Variants in CDH18 observed in about 807,000 individuals in gnomAD.
CDH18 encodes cadherin 18.
Under a neutral mutation model 67.9 loss-of-function variants are expected in CDH18, and 31 were observed. That is an observed-to-expected ratio of 0.46 (90% CI 0.34 to 0.62). CDH18 has a LOEUF of 0.62. CDH18 is among the 20% of genes least tolerant of loss of function. The probability of loss-of-function intolerance (pLI) is 0.01; values close to 1 mark genes in which losing one functional copy is unlikely to be tolerated. For synonymous variants in CDH18, 362 were observed against 347.2 expected (o/e 1.04, Z -0.48); for missense variants, 890 against 975.5 (o/e 0.91, Z 1.17).
In CDH18 at chr5:20,121,615, G is replaced by C. The variant is rs992829720; in HGVS notation, c.-517-129601C>G. On this transcript the variant is annotated intron_variant, in intron 2 of 14. Coordinates refer to the CDH18 transcript ENST00000507958. The stretch of plus-strand genomic sequence containing the variant: ...CCGTTAGCTTGCAATCAGCAGCATA[G>C]AAGAAAATACTTTAAAAAACATGAA... 3.9e-5 allele frequency among the ~76,000 whole-genome samples: 6 copies of C among 152,228 alleles called. No homozygotes were observed. In the South Asian group the frequency reaches 1.2e-3, roughly 32 times the overall value.
chr5:20,461,374 A>T (rs531525654), intron 1 of CDH18, among the ~76,000 whole-genome samples: 16 of 152,220 alleles, frequency 1.1e-4, no homozygotes, highest in African/African-American at 3.9e-4. Context: ...ATCTTCTTCA[A>T]CTACAACTAT....
At chr5:19,770,794 A>G (rs1230471092) in intron 3 of CDH18, among the ~76,000 whole-genome samples, 1 of 152,190 alleles carries the variant, frequency 6.6e-6, no homozygotes, top group Non-Finnish European at 1.5e-5. Context: ...GCTGTTTTTG[A>G]AAAGGAATAG....
At chr5:19,867,256 A>C (rs1785654969) in intron 2 of CDH18, among the ~76,000 whole-genome samples, 1 of 152,218 alleles carries the variant, frequency 6.6e-6, no homozygotes, top group Non-Finnish European at 1.5e-5. Context: ...CAATTAAAAA[A>C]GCATTATGTG....
intron 2 of CDH18, among the ~76,000 whole-genome samples, chr5:20,091,648 ATATCTAATTCACTTGAATTT>A (rs1444663123): frequency 6.6e-6 from 1 of 152,112 alleles, no homozygotes; most frequent in Non-Finnish European, 1.5e-5. Flanking sequence ...TTAGTTTATA[ATATCTAATTCACTTGAATTT>A]TGCATTATTA....
At chr5:19,675,630 G>T (rs1402281161) in intron 5 of CDH18, among the ~76,000 whole-genome samples, 1 of 151,998 alleles carries the variant, frequency 6.6e-6, no homozygotes, top group Non-Finnish European at 1.5e-5. Flanking sequence ...CTCTTATCCT[G>T]TTCTTTTTTC....
rs142298944 is a variant in CDH18, at chr5:19,937,599, C to T, written c.-257+43461G>A. On this transcript the variant is annotated intron_variant, in intron 2 of 12. Transcript: ENST00000382275. ...GCACACATATAGACTGACCTGCATA[C>T]ACAGAAACACACAATGTACAATTTC... Among the ~76,000 whole-genome samples the T allele has an allele frequency of 4.0e-4, 61 of 151,398 alleles. 1 individual carries two copies. The East Asian group carries it at 0.011, about 28-fold the overall frequency.
At chr5:19,763,882 C>T (rs1044952822) in intron 3 of CDH18, among the ~76,000 whole-genome samples, 4 of 151,162 alleles carry the variant, frequency 2.6e-5, no homozygotes, top group African/African-American at 9.7e-5. Context: ...GGCACAGTGG[C>T]TCACACCTGT....
chr5:19,618,763 T>C (rs1266514872), intron 5 of CDH18, among the ~76,000 whole-genome samples: 1 of 152,154 alleles, frequency 6.6e-6, no homozygotes, highest in Admixed American at 6.5e-5. Context: ...AATGTACAAA[T>C]TTGAAATATC....
chr5:19,843,493 CAGA>C (rs200128350), intron 2 of CDH18, among the ~76,000 whole-genome samples: 1 of 114,554 alleles, frequency 8.7e-6, no homozygotes, highest in African/African-American at 2.9e-5. Flanking sequence ...GGATGGCTAG[CAGA>C]AGTTTATTGC....
chr5:19,544,163 T>C (rs913537094), intron 8 of CDH18, among the ~76,000 whole-genome samples, 158 bp from the exon 9 acceptor site: 3 of 152,188 alleles, frequency 2.0e-5, no homozygotes, highest in Non-Finnish European at 4.4e-5. Flanking sequence ...AGAACTTATA[T>C]CAATTATTCT....
chr5:19,637,695 C>T (rs1447429609), intron 5 of CDH18, among the ~76,000 whole-genome samples: 8 of 152,124 alleles, frequency 5.3e-5, no homozygotes, highest in Admixed American at 4.6e-4. Flanking sequence ...CTGCTTATCC[C>T]GGCCTGCCTG....
intron 1 of CDH18, among the ~76,000 whole-genome samples, chr5:20,296,140 C>T (rs1747493067): frequency 6.6e-6 from 1 of 151,758 alleles, no homozygotes; most frequent in Admixed American, 6.6e-5. Context: ...TCCCAAAGTG[C>T]TGGGATTGCA....
intron 2 of CDH18, among the ~76,000 whole-genome samples, chr5:20,134,523 C>G (rs890481228): frequency 6.6e-6 from 1 of 152,052 alleles, no homozygotes; most frequent in Non-Finnish European, 1.5e-5. Context: ...GTTGTAACAT[C>G]TTTTATATTT....
chr5:19,516,465 A>G (rs1746018126), intron 10 of CDH18, among the ~76,000 whole-genome samples: 1 of 151,958 alleles, frequency 6.6e-6, no homozygotes, highest in African/African-American at 2.4e-5. Flanking sequence ...TTTGGCTGTG[A>G]ATAAGTCTGG....
intron 1 of CDH18, among the ~76,000 whole-genome samples, chr5:20,499,473 A>G: frequency 6.6e-6 from 1 of 152,224 alleles, no homozygotes; most frequent in Admixed American, 6.5e-5. Context: ...CAGAGGGCTG[A>G]CTGCGTAAAA....
intron 5 of CDH18, among the ~76,000 whole-genome samples, chr5:19,652,144 AATT>A (rs1036835775): frequency 8.6e-5 from 13 of 151,796 alleles, no homozygotes; most frequent in African/African-American, 3.1e-4. Context: ...TTTTTAATAT[AATT>A]ATTATATTCA....
chr5:20,206,744 A>C (rs562003864), intron 2 of CDH18, among the ~76,000 whole-genome samples: 4 of 152,180 alleles, frequency 2.6e-5, no homozygotes, highest in Admixed American at 1.3e-4. Context: ...AACAATGAAC[A>C]AAAGCCATAT....
At chr5:19,485,546 C>T (rs1272745637) in intron 11 of CDH18, among the ~76,000 whole-genome samples, 10 of 152,242 alleles carry the variant, frequency 6.6e-5, no homozygotes, top group East Asian at 1.9e-4. Flanking sequence ...TGAGCCACTG[C>T]GCCTGGCCAG....
At chr5:19,614,734 A>G (rs1341971107) in intron 5 of CDH18, among the ~76,000 whole-genome samples, 1 of 152,218 alleles carries the variant, frequency 6.6e-6, no homozygotes, top group Non-Finnish European at 1.5e-5. Flanking sequence ...ACATATCTAC[A>G]ACCACTTCCA....
Sources: allele counts gnomAD v4.1 joint callset (sites outside exome capture counted in the v4.1 genomes callset), GRCh38; gene constraint gnomAD v4.1.1; transcripts MANE v1.5; gene names NCBI Gene and HGNC (gene_info 2026-07-23, HGNC 2026-07-21).